RPTOR: variants seen among roughly 807,000 people sequenced by gnomAD.
RPTOR encodes regulatory associated protein of MTOR complex 1.
A neutral mutation model predicts 169.9 loss-of-function variants in RPTOR; 21 were observed. The observed-to-expected ratio is 0.12, with a 90% CI of 0.09 to 0.18. The LOEUF is 0.18. Among genes scored for constraint, RPTOR ranks in the 10% least tolerant of loss-of-function variants. The pLI is 1.00. For synonymous variants in RPTOR, 732 were observed against 753.2 expected (o/e 0.97, Z 0.46); for missense variants, 1,133 against 1,855.9 (o/e 0.61, Z 7.16).
At chr17:80,853,620 C>T (rs1477676271) in intron 11 of RPTOR, among the ~76,000 whole-genome samples, 1 of 152,108 alleles carries the variant, frequency 6.6e-6, no homozygotes, top group Non-Finnish European at 1.5e-5. Context: ...TGGAGGGAGT[C>T]GATGCACATG....
intron 9 of RPTOR, among the ~76,000 whole-genome samples, chr17:80,832,590 G>A (rs1453141785): frequency 1.3e-5 from 2 of 152,138 alleles, no homozygotes; most frequent in Non-Finnish European, 2.9e-5. Flanking sequence ...GAGAACATTC[G>A]GCTCAGAAAC....
intron 28 of RPTOR, among the ~76,000 whole-genome samples, chr17:80,952,498 GC>G (rs1445927044): frequency 6.6e-6 from 1 of 152,188 alleles, no homozygotes; most frequent in East Asian, 1.9e-4. Context: ...GCTTGCCCCA[GC>G]CCCCACTCGC....
At chr17:80,631,763 A>C (rs545336926) in intron 2 of RPTOR, among the ~76,000 whole-genome samples, 1 of 152,258 alleles carries the variant, frequency 6.6e-6, no homozygotes, top group Admixed American at 6.5e-5. Flanking sequence ...CTCTACAACA[A>C]ATCAGAAAAT....
intron 28 of RPTOR, among the ~76,000 whole-genome samples, chr17:80,954,012 T>C (rs1327105422): frequency 6.6e-6 from 1 of 152,210 alleles, no homozygotes; most frequent in African/African-American, 2.4e-5. Context: ...TTTGTGTTTG[T>C]TTTTGAGATG....
intron 21 of RPTOR, among the ~76,000 whole-genome samples, chr17:80,919,901 G>A (rs1337203026): frequency 1.3e-5 from 2 of 152,264 alleles, no homozygotes; most frequent in Non-Finnish European, 2.9e-5. Context: ...TCTGCAGGCT[G>A]CGAGTGAGCC....
chr17:80,746,287 G>A lies in RPTOR; in HGVS notation c.655-7723G>A, dbSNP rs1193222825. ...GGGTGATCCCCACCGCCCCCACAGCGGTGCTTTCTGCGGGTGATCCCCACC... is the reference window on the plus strand; with the variant it reads ...GGGTGATCCCCACCGCCCCCACAGCAGTGCTTTCTGCGGGTGATCCCCACC... On this transcript the variant is annotated intron_variant, in intron 5 of 33. Coordinates refer to ENST00000306801, the MANE Select transcript of RPTOR (RefSeq NM_020761.3). The surrounding 1 kb of genome is among the most constrained non-coding windows in gnomAD (Gnocchi z 4.5). Among the ~76,000 whole-genome samples the A allele has an allele frequency of 7.5e-6, 1 of 133,462 alleles. No homozygotes were observed. The highest frequency in any genetic ancestry group is 1.8e-5 in the Non-Finnish European group (1 of 56,962). 87.6% of individuals were successfully genotyped at this position (133,462 alleles called of 152,430 possible).
chr17:80,704,990 G>T (rs540214427), intron 3 of RPTOR, among the ~76,000 whole-genome samples: 49 of 152,390 alleles, frequency 3.2e-4, no homozygotes, highest in African/African-American at 1.1e-3. Flanking sequence ...CATGGCTGGG[G>T]TCCCCCATGG....
At chr17:80,658,259 T>G (rs749330481) in intron 3 of RPTOR, among the ~76,000 whole-genome samples, 1 of 152,264 alleles carries the variant, frequency 6.6e-6, no homozygotes, top group Non-Finnish European at 1.5e-5. Flanking sequence ...AGGGTCATGT[T>G]TCTTCAACCT....
intron 25 of RPTOR, among the ~76,000 whole-genome samples, chr17:80,944,598 T>C (rs1407060937): frequency 2.0e-5 from 3 of 152,186 alleles, no homozygotes; most frequent in Admixed American, 1.3e-4. Flanking sequence ...GGCCCCTCCC[T>C]TCAGTCCCTG....
intron 9 of RPTOR, among the ~76,000 whole-genome samples, chr17:80,829,320 G>A (rs2067477838): frequency 6.6e-6 from 1 of 152,200 alleles, no homozygotes; most frequent in Non-Finnish European, 1.5e-5. Context: ...TGGTGTCCAG[G>A]AGGGCGCGGG....
chr17:80,858,034 T>C, intron 13 of RPTOR, 134 bp downstream of exon 13: 2 of 733,010 alleles, frequency 2.7e-6, no homozygotes, highest in East Asian at 2.7e-5. Flanking sequence ...CCTTCCTCTC[T>C]TCTGGGGTAA....
At chr17:80,723,365 G>A (rs1478202857) in intron 4 of RPTOR, among the ~76,000 whole-genome samples, 1 of 151,028 alleles carries the variant, frequency 6.6e-6, no homozygotes, top group South Asian at 2.1e-4. Context: ...TTCCTTCCAC[G>A]TTTAGTAACT....
chr17:80,603,916 A>G (rs1233031928), intron 1 of RPTOR, among the ~76,000 whole-genome samples: 2 of 152,216 alleles, frequency 1.3e-5, no homozygotes, highest in Non-Finnish European at 2.9e-5. Flanking sequence ...AAAACAGTTG[A>G]GGCACAGCGA....
In RPTOR at chr17:80,798,068, T is replaced by C. The variant is rs151274011; in HGVS notation, c.890+6559T>C. On this transcript the variant is annotated intron_variant, in intron 7 of 33. Coordinates refer to ENST00000306801, the MANE Select transcript of RPTOR (RefSeq NM_020761.3). Reference sequence around the variant, plus strand: ...CAGCCATGTTTGTGATGTTCTTGTGTGTCCCTTGCCCTGAGTTGACGCTGG... The same window carrying C: ...CAGCCATGTTTGTGATGTTCTTGTGCGTCCCTTGCCCTGAGTTGACGCTGG... Among the ~76,000 whole-genome samples, 1,053 of 152,334 alleles carry C rather than the reference T, an allele frequency of 6.9e-3. 7 individuals carry two copies. Among genetic ancestry groups the C allele is most frequent in the Non-Finnish European group, 9.6e-3 (653 of 68,024 alleles).
intron 7 of RPTOR, among the ~76,000 whole-genome samples, chr17:80,806,587 C>G (rs566451043): frequency 6.6e-6 from 1 of 152,158 alleles, no homozygotes; most frequent in Non-Finnish European, 1.5e-5. Context: ...GATCTCTACT[C>G]TTATGTTAAT....
intron 1 of RPTOR, among the ~76,000 whole-genome samples, chr17:80,612,207 G>C (rs2065276499): frequency 6.6e-6 from 1 of 152,174 alleles, no homozygotes; most frequent in Non-Finnish European, 1.5e-5. Context: ...ATAGCTCACT[G>C]TAACCTCTAA....
intron 2 of RPTOR, among the ~76,000 whole-genome samples, chr17:80,626,541 G>A (rs962706730): frequency 4.6e-5 from 7 of 152,064 alleles, no homozygotes; most frequent in Non-Finnish European, 5.9e-5. Context: ...CTGAATGCTT[G>A]TAGTGTGTCA....
At chr17:80,833,664 A>G (rs570500513) in intron 9 of RPTOR, among the ~76,000 whole-genome samples, 3 of 152,344 alleles carry the variant, frequency 2.0e-5, no homozygotes, top group African/African-American at 7.2e-5. Context: ...ATAAATGTTC[A>G]TTAGAGAATA....
At chr17:80,676,676 A>T (rs912419740) in intron 3 of RPTOR, among the ~76,000 whole-genome samples, 6 of 152,122 alleles carry the variant, frequency 3.9e-5, no homozygotes, top group African/African-American at 1.4e-4. Flanking sequence ...CTGCAACCAA[A>T]AGTAAAGTAG....
Sources: gnomAD v4.1 joint callset for allele counts (sites outside exome capture counted in the v4.1 genomes callset) on GRCh38, gnomAD v4.1.1 for gene constraint, Gnocchi (gnomAD v3.1) non-coding constraint, MANE v1.5 for transcripts, NCBI Gene and HGNC (gene_info 2026-07-23, HGNC 2026-07-21) for gene names.